Variants in XKR9 observed in about 807,000 individuals in gnomAD.
XKR9 encodes the protein XK related 9, also known as XK-related protein 9.
In XKR9, 32 loss-of-function variants were observed where a neutral mutation model predicts 32.0. The ratio of observed to expected loss-of-function variants is 1.00; its 90% CI spans 0.76 to 1.34. The LOEUF (loss-of-function observed/expected upper bound fraction) is 1.34. XKR9 is among the 40% of genes most tolerant of loss of function. XKR9 has a pLI of 0.00. For missense variants in XKR9, 546 were observed against 429.7 expected (o/e 1.27, Z -2.39); for synonymous variants, 168 against 143.4 (o/e 1.17, Z -1.22).
chr8:70,892,032 A>G, the XKR9 span, among the ~76,000 whole-genome samples: 4 of 151,804 alleles, frequency 2.6e-5, no homozygotes, highest in African/African-American at 7.3e-5. Flanking sequence ...TCTTTTCACA[A>G]TTTTCCACTT....
the XKR9 span, among the ~76,000 whole-genome samples, chr8:70,903,256 A>T: frequency 6.6e-6 from 1 of 152,154 alleles, no homozygotes; most frequent in African/African-American, 2.4e-5. Flanking sequence ...TTCGGCTGTG[A>T]ATCCGTGTGA....
chr8:70,925,698 C>G, the XKR9 span, among the ~76,000 whole-genome samples: 1 of 152,062 alleles, frequency 6.6e-6, no homozygotes, highest in African/African-American at 2.4e-5. Context: ...ATAAACAAAG[C>G]CAACTGCAAG....
chr8:70,720,481 C>G (rs756569276), intron 4 of XKR9, among the ~76,000 whole-genome samples: 3 of 152,036 alleles, frequency 2.0e-5, no homozygotes, highest in African/African-American at 7.2e-5. Flanking sequence ...TCATCAATAC[C>G]TAGTTTATTG....
At chr8:70,697,183 C>G (rs1199600778) in intron 3 of XKR9, among the ~76,000 whole-genome samples, 1 of 151,066 alleles carries the variant, frequency 6.6e-6, no homozygotes, top group Non-Finnish European at 1.5e-5. Context: ...ATTTCCTTCT[C>G]CTGCCTAATT....
chr8:70,940,804 A>G, the XKR9 span, among the ~76,000 whole-genome samples: 1 of 151,728 alleles, frequency 6.6e-6, no homozygotes, highest in African/African-American at 2.4e-5. Flanking sequence ...TCCCCTTCCC[A>G]CTTCTACCTT....
intron 4 of XKR9, among the ~76,000 whole-genome samples, chr8:70,709,885 G>A (rs1188091245): frequency 6.6e-6 from 1 of 152,122 alleles, no homozygotes; most frequent in East Asian, 1.9e-4. Context: ...CCAAAGCAAT[G>A]TACAGATTCA....
rs190523847 is a variant in XKR9 at position 70,755,199 on chromosome 8, C to T, written n.353-34140C>T. Reference sequence around the variant, plus strand: ...GCCGTCAGAGAAATGCAAATCAAAGCCACAATGAGATACCATCTCACACCA... The same window carrying T: ...GCCGTCAGAGAAATGCAAATCAAAGTCACAATGAGATACCATCTCACACCA... On this transcript the variant is annotated intron_variant and non_coding_transcript_variant, in intron 2 of 3. Transcript: ENST00000520273. Among the ~76,000 whole-genome samples the T allele has an allele frequency of 4.6e-5, 7 of 152,308 alleles. No homozygotes were observed. In the East Asian group the frequency reaches 1.4e-3, roughly 29 times the overall value.
At chr8:70,686,478 C>T (rs1819283539) in intron 3 of XKR9, among the ~76,000 whole-genome samples, 1 of 151,492 alleles carries the variant, frequency 6.6e-6, no homozygotes, top group Non-Finnish European at 1.5e-5. Context: ...GATTCTTGCT[C>T]TGTTGCCCAG....
intron 3 of XKR9, among the ~76,000 whole-genome samples, chr8:70,690,461 G>C (rs1819473994): frequency 6.6e-6 from 1 of 150,962 alleles, no homozygotes. Flanking sequence ...AGTCTCCCGA[G>C]TAGCTGGGAC....
chr8:70,830,530 T>C, the XKR9 span, among the ~76,000 whole-genome samples: 361 of 152,136 alleles, frequency 2.4e-3, no homozygotes, highest in African/African-American at 8.5e-3. Flanking sequence ...AAGGCTGCAA[T>C]GTGTGGTGAT....
chr8:70,727,072 C>G (rs1012476853), intron 4 of XKR9, among the ~76,000 whole-genome samples: 3 of 151,898 alleles, frequency 2.0e-5, no homozygotes, highest in Non-Finnish European at 2.9e-5. Flanking sequence ...TTTCCAGGAC[C>G]CTCGATTCTT....
At chr8:70,670,226 C>T (rs111990139) in intron 1 of XKR9, among the ~76,000 whole-genome samples, 1 of 152,164 alleles carries the variant, frequency 6.6e-6, no homozygotes. Flanking sequence ...GAGCATGCCT[C>T]TGCCTGCCAG....
At chr8:70,860,362 A>G in the XKR9 span, among the ~76,000 whole-genome samples, 2 of 152,062 alleles carry the variant, frequency 1.3e-5, no homozygotes, top group Non-Finnish European at 2.9e-5. Context: ...GCAGTCTGCA[A>G]CCCAGAACAC....
the XKR9 span, among the ~76,000 whole-genome samples, chr8:70,838,342 G>A: frequency 6.6e-6 from 1 of 152,022 alleles, no homozygotes; most frequent in Non-Finnish European, 1.5e-5. Flanking sequence ...ATGCATGTAT[G>A]TACTGAATGC....
At chr8:70,875,171 C>T in the XKR9 span, among the ~76,000 whole-genome samples, 1 of 152,192 alleles carries the variant, frequency 6.6e-6, no homozygotes, top group Non-Finnish European at 1.5e-5. Context: ...GACTGTCTCT[C>T]ATCCTCGTGT....
chr8:70,908,087 G>T, the XKR9 span, among the ~76,000 whole-genome samples: 2 of 152,024 alleles, frequency 1.3e-5, no homozygotes, highest in Non-Finnish European at 2.9e-5. Context: ...AATGGATAAG[G>T]TTCATTTAAA....
Position 70,734,063 on chromosome 8 carries a change from G to A in XKR9, c.761G>A (p.Cys254Tyr). 6.2e-7 allele frequency: 1 copy of A among 1,613,032 alleles called. No homozygotes were observed. Among genetic ancestry groups the A allele is most frequent in the East Asian group, 2.2e-5 (1 of 44,812 alleles). ...GCATTTAAAAACAACACCCAGTTTT[G>A]TACTTGTATAAGTATGGAATTCTTA... ...IWAFKNNTQFCTCISMEFLYR... is the reference protein window; with the variant it reads ...IWAFKNNTQFYTCISMEFLYR... The change falls in exon 5 of 5, where the codon TGT becomes TAT. Residue 254 changes from cysteine to tyrosine, a missense_variant. Coordinates refer to ENST00000408926, the MANE Select transcript of XKR9 (RefSeq NM_001011720.2).
chr8:70,695,568 A>C (rs1396616659), intron 3 of XKR9, among the ~76,000 whole-genome samples: 2 of 151,708 alleles, frequency 1.3e-5, no homozygotes, highest in African/African-American at 4.8e-5. Flanking sequence ...TTCTTAATCC[A>C]GTCTATCATT....
chr8:70,888,917 C>T, the XKR9 span, among the ~76,000 whole-genome samples: 3 of 151,972 alleles, frequency 2.0e-5, no homozygotes, highest in Middle Eastern at 3.4e-3. Context: ...TTTTGCTCAG[C>T]ATTGCTTTGG....
Sources: allele counts gnomAD v4.1 joint callset (sites outside exome capture counted in the v4.1 genomes callset), GRCh38; gene constraint gnomAD v4.1.1; transcripts MANE v1.5; gene names NCBI Gene and HGNC (gene_info 2026-07-23, HGNC 2026-07-21).